Variants in FER1L5 observed in about 807,000 individuals in gnomAD.
FER1L5 encodes fer-1 like family member 5.
In FER1L5, 187 loss-of-function variants were observed where a neutral mutation model predicts 279.9. The observed-to-expected ratio is 0.67, with a 90% confidence interval of 0.59 to 0.75. The LOEUF (loss-of-function observed/expected upper bound fraction) is 0.75. Among genes scored for constraint, FER1L5 ranks in the 30% least tolerant of loss-of-function variants. The pLI is 0.00. For missense variants in FER1L5, 2,091 were observed against 2,594.4 expected (o/e 0.81, Z 4.21); for synonymous variants, 921 against 989.7 (o/e 0.93, Z 1.30).
intron 6 of FER1L5, 144 bp downstream of exon 6, chr2:96,650,433 A>T: frequency 1.5e-6 from 1 of 676,342 alleles, no homozygotes; most frequent in Non-Finnish European, 2.6e-6. Flanking sequence ...TCCTTGCCAC[A>T]TGCCCTGCTC....
intron 19 of FER1L5, among the ~76,000 whole-genome samples, chr2:96,679,643 T>C (rs1359374060): frequency 1.3e-5 from 2 of 152,244 alleles, no homozygotes; most frequent in Non-Finnish European, 2.9e-5. Context: ...CCTTTCCTCA[T>C]GTGTTTTCCT....
In FER1L5 at chr2:96,670,223, C is replaced by T; in HGVS notation, c.1467C>T (p.Leu489=). The change falls in exon 18 of 53, where the codon CTC becomes CTT. Residue 489 remains leucine (L), a synonymous_variant. Coordinates refer to ENST00000624922, the MANE Select transcript of FER1L5 (RefSeq NM_001293083.2). The part of the protein sequence containing the change: ...KSYQDSTIKD[L]SHEVTRIEKH... ...ATCAAGACTCCACGATAAAGGATCTCTCCCATGAAGTGACCAGGATAGAGG... is the reference window on the plus strand; with the variant it reads ...ATCAAGACTCCACGATAAAGGATCTTTCCCATGAAGTGACCAGGATAGAGG... 1.9e-6 allele frequency: 3 copies of T among 1,551,628 alleles called. No individual in the cohort carries two copies. The highest frequency in any genetic ancestry group is 2.6e-6 in the Non-Finnish European group (3 of 1,146,962).
At position 96,677,088 on chromosome 2, in the gene FER1L5, C is replaced by T. The variant is rs1434055910; in HGVS notation, c.1669+3834C>T. On this transcript the variant is annotated intron_variant, in intron 19 of 52. Coordinates refer to ENST00000624922, the MANE Select transcript of FER1L5 (RefSeq NM_001293083.2). Reference sequence around the variant, plus strand: ...AACTCCTGACCTCAGGTCATCCGCTCGCCTCAGCTTCCTAAAGTGCTGGGA... The same window carrying T: ...AACTCCTGACCTCAGGTCATCCGCTTGCCTCAGCTTCCTAAAGTGCTGGGA... Among the ~76,000 whole-genome samples the T allele has an allele frequency of 4.6e-5, 7 of 152,346 alleles. No individual in the cohort carries two copies. The East Asian group carries it at 7.7e-4, about 17-fold the overall frequency.
chr2:96,699,048 G>A lies in FER1L5; in HGVS notation c.4522G>A (p.Asp1508Asn), dbSNP rs924481956. Residue 1508 changes from aspartate to asparagine, a missense_variant, in exon 42 of 53, where the codon GAC becomes AAC. Physicochemically the swap from Asp to Asn is conservative, Grantham distance 23 (BLOSUM62 1). Coordinates refer to ENST00000624922, the MANE Select transcript of FER1L5 (RefSeq NM_001293083.2). Reference protein sequence around the residue: ...LQPQDYNGLCDPYVILKLGKT... With the variant: ...LQPQDYNGLCNPYVILKLGKT... Reference sequence around the variant, plus strand: ...CCCCACTTGTATCTGACCCCAGTGTGACCCTTATGTGATCCTGAAACTGGG... The same window carrying A: ...CCCCACTTGTATCTGACCCCAGTGTAACCCTTATGTGATCCTGAAACTGGG... The A allele has an allele frequency of 6.2e-7, 1 of 1,608,982 alleles. No homozygotes were observed.
Position 96,690,567 on chromosome 2 carries a change from G to A in FER1L5, c.2721G>A (p.Leu907=). ...WHFKKDWVVE[L]NHAVDSKGWE... ...TTAAGAAGGACTGGGTGGTGGAGCT[G>A]AACCACGCAGTGGACAGTAAGGGTC... Residue 907 remains leucine, a synonymous_variant, in exon 27 of 53, where the codon CTG becomes CTA. Coordinates refer to ENST00000624922, the MANE Select transcript of FER1L5 (RefSeq NM_001293083.2). 6.4e-7 allele frequency: 1 copy of A among 1,551,668 alleles called. No homozygotes were observed. The highest frequency in any genetic ancestry group is 8.7e-7 in the Non-Finnish European group (1 of 1,146,952).
In FER1L5 at chr2:96,670,623, C is replaced by CA. The variant is rs796839112; in HGVS notation, c.1491+388dup. The stretch of plus-strand genomic sequence containing the variant: ...TGAAACGCTGTCTCTACTAAAAATA[C>CA]AAAAAAAAAAAATGTAGCTGGGCAT... On this transcript the variant is annotated intron_variant, in intron 18 of 52. Coordinates refer to ENST00000624922, the MANE Select transcript of FER1L5 (RefSeq NM_001293083.2). Among the ~76,000 whole-genome samples the CA allele has an allele frequency of 4.7e-3, 642 of 138,024 alleles. 5 individuals are homozygous for CA. The East Asian group carries it at 0.049, about 10-fold the overall frequency. The allele number at this position is 138,024 out of a possible 152,430, so 90.5% of individuals were successfully genotyped here.
intron 42 of FER1L5, 43 bp from the exon 43 acceptor site, chr2:96,699,507 A>G (rs372685703): frequency 3.8e-5 from 60 of 1,579,116 alleles, no homozygotes; most frequent in Non-Finnish European, 5.0e-5. Flanking sequence ...GGGCACAGAG[A>G]CATTGCCCAC....
rs2077137222 is a variant in FER1L5, at chr2:96,691,361, G to A, written c.2907+8G>A. On this transcript the variant is annotated splice_region_variant and intron_variant, in intron 28 of 52. Transcript: ENST00000624922. The surrounding 1 kb of genome is among the most constrained non-coding windows in gnomAD (Gnocchi z 6.0). ...CTCTCCTTCCTGCAGCTGGTGAGGGGTCGACGGGCGCCCTGGCTGGGACTG... is the reference window on the plus strand; with the variant it reads ...CTCTCCTTCCTGCAGCTGGTGAGGGATCGACGGGCGCCCTGGCTGGGACTG... 19 of 1,546,866 alleles carry A rather than the reference G, an allele frequency of 1.2e-5. No homozygotes were observed. Among genetic ancestry groups the A allele is most frequent in the Non-Finnish European group, 1.6e-5 (18 of 1,144,260 alleles).
chr2:96,651,244 TTTCTTTC>T (rs1457136821), intron 6 of FER1L5, among the ~76,000 whole-genome samples: 7 of 62,524 alleles, frequency 1.1e-4, no homozygotes, highest in African/African-American at 4.0e-4. Context: ...TTTCTCTTTC[TTTCTTTC>T]TTTCTTTCTT....
rs2106634389 is a variant in FER1L5, at chr2:96,686,348, C to A, written c.2227C>A (p.Gln743Lys). Residue 743 changes from glutamine to lysine, a missense_variant and splice_region_variant, in exon 23 of 53, where the codon CAG becomes AAG. Transcript: ENST00000624922. ...TGGGAAGATACAGACACTCTTCCTA[C>A]AGGTGGGAATCAGGGACTCCTCAGG... ...LCGKIQTLFLQYPEGEGQKDV... is the reference protein window; with the variant it reads ...LCGKIQTLFLKYPEGEGQKDV... The A allele has an allele frequency of 1.3e-6, 2 of 1,550,428 alleles. No individual in the cohort carries two copies. Among genetic ancestry groups the A allele is most frequent in the East Asian group, 4.9e-5 (2 of 40,902 alleles).
At position 96,691,287 on chromosome 2, in the gene FER1L5, G is replaced by T. The variant is rs991904142; in HGVS notation, c.2841G>T (p.Ala947=). ...ACTCGTGCCGCCGCCGGCGCTGGGC[G>T]CGTGTGCGCTTCAGGAACCATGGGG... is the stretch of plus-strand genomic sequence containing the variant. ...TYHSCRRRRW[A]RVRFRNHGEL... Residue 947 remains alanine, a synonymous_variant, in exon 28 of 53, where the codon GCG becomes GCT. Transcript: ENST00000624922. This position sits in a 1 kb window ranked among gnomAD's most constrained non-coding sequence, Gnocchi z 6.0. 2 of 1,550,542 alleles carry T rather than the reference G, an allele frequency of 1.3e-6. No homozygotes were observed. The highest frequency in any genetic ancestry group is 1.7e-6 in the Non-Finnish European group (2 of 1,146,856).
intron 31 of FER1L5, among the ~76,000 whole-genome samples, chr2:96,692,798 G>A (rs1406343335): frequency 6.6e-6 from 1 of 152,084 alleles, no homozygotes; most frequent in Non-Finnish European, 1.5e-5. Flanking sequence ...GGCTCCAAGG[G>A]AGCTGTGTCC....
rs745956101 is a variant in FER1L5 at position 96,661,819 on chromosome 2, C to T, written c.1018+28C>T. 3.2e-6 allele frequency: 5 copies of T among 1,550,520 alleles called. No individual in the cohort carries two copies. In the African/African-American group the frequency reaches 6.9e-5, roughly 21 times the overall value. ...TAGAGTCTGGGTGCAGGGGAGGGAGCAGCCCTGAGATTCCCTACACGGTGA... is the reference window on the plus strand; with the variant it reads ...TAGAGTCTGGGTGCAGGGGAGGGAGTAGCCCTGAGATTCCCTACACGGTGA... On this transcript the variant is annotated intron_variant, in intron 12 of 52. Transcript: ENST00000624922.
At chr2:96,661,927 A>C (rs1225575115) in intron 12 of FER1L5, 136 bp downstream of exon 12, 2 of 1,293,116 alleles carry the variant, frequency 1.5e-6, no homozygotes, top group Non-Finnish European at 1.1e-6. Flanking sequence ...TGAGACTGGA[A>C]TTGCTCCCAG....
chr2:96,681,863 C>T (rs1389844336), intron 19 of FER1L5, among the ~76,000 whole-genome samples: 1 of 151,702 alleles, frequency 6.6e-6, no homozygotes, highest in African/African-American at 2.4e-5. Flanking sequence ...TATCTCGGCT[C>T]ACTGCACCAC....
chr2:96,691,972 T>C lies in FER1L5; in HGVS notation c.3214+9T>C. ...CTACTGCACCTTCAATAGTAAGCACTGACTTGGGAGTCTACTTGAATGGCC... is the reference window on the plus strand; with the variant it reads ...CTACTGCACCTTCAATAGTAAGCACCGACTTGGGAGTCTACTTGAATGGCC... On this transcript the variant is annotated intron_variant, in intron 30 of 52. Transcript: ENST00000624922. The surrounding 1 kb of genome is among the most constrained non-coding windows in gnomAD (Gnocchi z 6.0). 7.0e-7 allele frequency: 1 copy of C among 1,435,642 alleles called. No homozygotes were observed. 88.9% of individuals were successfully genotyped at this position (1,435,642 alleles called of 1,614,324 possible).
intron 8 of FER1L5, 66 bp downstream of exon 8, chr2:96,653,768 A>G: frequency 8.0e-7 from 1 of 1,249,486 alleles, no homozygotes. Context: ...GGGAAGCACT[A>G]CAGCTCCAGC....
intron 17 of FER1L5, among the ~76,000 whole-genome samples, chr2:96,669,713 C>T (rs1005908930): frequency 1.3e-5 from 2 of 152,164 alleles, no homozygotes; most frequent in African/African-American, 4.8e-5. Flanking sequence ...CTGGGAACCT[C>T]ACCACACAGC....
chr2:96,691,876 C>A lies in FER1L5; in HGVS notation c.3127C>A (p.Pro1043Thr), dbSNP rs564412642. The change falls in exon 30 of 53, where the codon CCA (proline) becomes ACA (threonine). Residue 1043 changes from proline (P) to threonine (T), a missense_variant. Coordinates refer to ENST00000624922, the MANE Select transcript of FER1L5 (RefSeq NM_001293083.2). This position sits in a 1 kb window ranked among gnomAD's most constrained non-coding sequence, Gnocchi z 6.0. Reference sequence around the variant, plus strand: ...GAAGGAAGAGGACAGCAAGACATGGCCATGGGGTCTGGACAGACAGTTCAG... The same window carrying A: ...GAAGGAAGAGGACAGCAAGACATGGACATGGGGTCTGGACAGACAGTTCAG... ...AGKEEDSKTW[P>T]WGLDRQFRDP... 4 of 1,551,556 alleles carry A rather than the reference C, an allele frequency of 2.6e-6. No individual in the cohort carries two copies. In the South Asian group the frequency reaches 4.8e-5, roughly 18 times the overall value.
Sources: allele counts gnomAD v4.1 joint callset (sites outside exome capture counted in the v4.1 genomes callset), GRCh38; gene constraint gnomAD v4.1.1; non-coding constraint Gnocchi (gnomAD v3.1); transcripts MANE v1.5; gene names NCBI Gene and HGNC (gene_info 2026-07-23, HGNC 2026-07-21).